SULF1: variants seen among roughly 807,000 people sequenced by gnomAD.
SULF1 encodes extracellular sulfatase Sulf-1.
SULF1 carries 46 observed loss-of-function variants against 110.5 expected under a neutral mutation model. The ratio of observed to expected loss-of-function variants is 0.42; its 90% CI spans 0.33 to 0.53. The LOEUF (loss-of-function observed/expected upper bound fraction) is 0.53. Among genes scored for constraint, SULF1 ranks in the 20% least tolerant of loss-of-function variants. The probability of loss-of-function intolerance (pLI) is 0.12; values close to 1 mark genes in which losing one functional copy is unlikely to be tolerated. For missense variants in SULF1, 941 were observed against 1,094.2 expected, an observed-to-expected ratio of 0.86 and a Z score of 1.98; for synonymous variants, 371 against 387.1, an observed-to-expected ratio of 0.96 and a Z score of 0.49.
At chr8:69,638,387 TAAGA>T in intron 19 of SULF1, 111 bp from the exon 20 acceptor site, 1 of 1,229,098 alleles carries the variant, frequency 8.1e-7, no homozygotes. Flanking sequence ...ACAATATTTA[TAAGA>T]AAGAAATTGT....
chr8:69,580,054 G>A (rs1415929681), intron 6 of SULF1, among the ~76,000 whole-genome samples: 3 of 152,128 alleles, frequency 2.0e-5, no homozygotes, highest in Non-Finnish European at 2.9e-5. Context: ...ATTTAAATGA[G>A]TTGAATTAAT....
At chr8:69,471,174 A>G (rs1204187729) in intron 1 of SULF1, among the ~76,000 whole-genome samples, 1 of 152,132 alleles carries the variant, frequency 6.6e-6, no homozygotes, top group African/African-American at 2.4e-5. Flanking sequence ...CAATTGCTTT[A>G]TTTTTTATTC....
intron 5 of SULF1, among the ~76,000 whole-genome samples, chr8:69,574,857 T>G (rs1215516864): frequency 6.6e-6 from 1 of 152,210 alleles, no homozygotes; most frequent in African/African-American, 2.4e-5. Flanking sequence ...CCTGTTCTCA[T>G]ATGCGTCATG....
Position 69,627,275 on chromosome 8 carries a change from G to A in SULF1, c.1916G>A (p.Trp639Ter), listed in dbSNP as rs1191542873. The A allele has an allele frequency of 1.2e-6, 2 of 1,614,088 alleles. No individual in the cohort carries two copies. Among genetic ancestry groups the A allele is most frequent in the Non-Finnish European group, 1.7e-6 (2 of 1,179,968 alleles). Residue 639 changes from tryptophan (W) to a stop codon, truncating the protein, a stop_gained, in exon 16 of 23, where the codon TGG (tryptophan) becomes TAG (stop). Coordinates refer to ENST00000402687, the MANE Select transcript of SULF1 (RefSeq NM_001128205.2). LOFTEE classifies it high-confidence loss of function. ...GAACTGTACCAATCGGCCAGAGCGT[G>A]GAAGGACCATAAGGCATACATTGAC... ...ERELYQSARA[W>*]KDHKAYIDKE...
intron 3 of SULF1, among the ~76,000 whole-genome samples, chr8:69,508,359 C>G (rs577010891): frequency 6.6e-6 from 1 of 152,300 alleles, no homozygotes; most frequent in South Asian, 2.1e-4. Flanking sequence ...CCCACCTTGG[C>G]CTTCCAAAAT....
At chr8:69,594,913 G>A (rs565453340) in intron 8 of SULF1, among the ~76,000 whole-genome samples, 2 of 152,258 alleles carry the variant, frequency 1.3e-5, no homozygotes, top group Admixed American at 1.3e-4. Flanking sequence ...AGTTTTGCAG[G>A]TAGCTTTGTC....
chr8:69,475,100 A>G (rs1242034140), intron 1 of SULF1, among the ~76,000 whole-genome samples: 3 of 151,986 alleles, frequency 2.0e-5, no homozygotes, highest in African/African-American at 7.3e-5. Context: ...GAAAGAGGAT[A>G]GAGGCAAAGA....
chr8:69,466,896 A>G (rs530961617), exon 1 of SULF1: 17 of 152,292 alleles, frequency 1.1e-4, no homozygotes, highest in Non-Finnish European at 2.9e-5. Flanking sequence ...TTGCTTTTGG[A>G]GGAAAAGGAG....
chr8:69,605,874 A>G (rs916104119), intron 13 of SULF1, among the ~76,000 whole-genome samples: 8 of 152,184 alleles, frequency 5.3e-5, no homozygotes, highest in Non-Finnish European at 1.0e-4. Flanking sequence ...TGGCATCTCC[A>G]TTTTACAAAT....
At chr8:69,575,866 A>C (rs1445106001) in intron 5 of SULF1, 104 bp from the exon 6 acceptor site, 8 of 1,394,424 alleles carry the variant, frequency 5.7e-6, no homozygotes, top group Non-Finnish European at 7.8e-6. Flanking sequence ...AAGCTAAGGA[A>C]AGGAAATGAA....
chr8:69,625,378 T>C (rs945048729), intron 15 of SULF1, among the ~76,000 whole-genome samples: 1 of 152,262 alleles, frequency 6.6e-6, no homozygotes, highest in Non-Finnish European at 1.5e-5. Context: ...CACTGGTGGC[T>C]AGAACCTATT....
chr8:69,591,189 C>T (rs973752845), intron 8 of SULF1, among the ~76,000 whole-genome samples: 3 of 152,064 alleles, frequency 2.0e-5, no homozygotes, highest in African/African-American at 7.2e-5. Flanking sequence ...AGCTCAGTTG[C>T]ATGGAATCAG....
chr8:69,627,947 C>G, intron 17 of SULF1, 81 bp downstream of exon 17: 1 of 1,055,962 alleles, frequency 9.5e-7, no homozygotes, highest in Non-Finnish European at 1.4e-6. Flanking sequence ...GCTCATTTTT[C>G]TCTCTTACCT....
chr8:69,519,399 A>C (rs1406366837), intron 3 of SULF1, among the ~76,000 whole-genome samples: 2 of 152,210 alleles, frequency 1.3e-5, no homozygotes, highest in South Asian at 2.1e-4. Context: ...AGTAATTTAC[A>C]TGAATATCTA....
At chr8:69,572,613 C>T (rs1805315263) in intron 5 of SULF1, among the ~76,000 whole-genome samples, 1 of 152,142 alleles carries the variant, frequency 6.6e-6, no homozygotes, top group African/African-American at 2.4e-5. Context: ...ACCTAGAATA[C>T]TTTTTCAGGT....
At chr8:69,523,057 C>A (rs1462014893) in intron 3 of SULF1, among the ~76,000 whole-genome samples, 2 of 151,998 alleles carry the variant, frequency 1.3e-5, no homozygotes, top group Non-Finnish European at 2.9e-5. Context: ...TATGGTAACA[C>A]GAGTGATATA....
intron 3 of SULF1, among the ~76,000 whole-genome samples, chr8:69,523,854 A>G (rs1287940138): frequency 6.6e-6 from 1 of 152,054 alleles, no homozygotes; most frequent in East Asian, 1.9e-4. Flanking sequence ...GCGGGCAGTT[A>G]CCAGTACTCA....
At chr8:69,534,026 C>CA (rs1309754560) in intron 3 of SULF1, among the ~76,000 whole-genome samples, 16 of 152,120 alleles carry the variant, frequency 1.1e-4, no homozygotes, top group African/African-American at 3.9e-4. Context: ...ATGATAATGA[C>CA]AAAAAACATG....
At chr8:69,491,726 A>G (rs1206089640), upstream of SULF1, among the ~76,000 whole-genome samples, 2 of 152,226 alleles carry the variant, frequency 1.3e-5, no homozygotes, top group Non-Finnish European at 2.9e-5. Flanking sequence ...TGCAGGTAAG[A>G]TCTGGTCAGC....
Sources: gnomAD v4.1 joint callset for allele counts (sites outside exome capture counted in the v4.1 genomes callset) on GRCh38, gnomAD v4.1.1 for gene constraint, MANE v1.5 for transcripts, NCBI Gene and HGNC (gene_info 2026-07-23, HGNC 2026-07-21) for gene names.